Variants in PCDHA10 observed in about 807,000 individuals in gnomAD.
PCDHA10 encodes protocadherin alpha 10, also known as protocadherin alpha-10.
In PCDHA10, 45 loss-of-function variants were observed where a neutral mutation model predicts 61.2. That is an observed-to-expected ratio of 0.74 (90% CI 0.58 to 0.94). PCDHA10 has a LOEUF of 0.94. PCDHA10 is among the 40% of genes least tolerant of loss of function. PCDHA10 has a pLI of 0.00. For missense variants in PCDHA10, 1,278 were observed against 1,236.2 expected (o/e 1.03, Z -0.51); for synonymous variants, 602 against 548.8 (o/e 1.10, Z -1.35).
intron 3 of PCDHA10, among the ~76,000 whole-genome samples, chr5:141,001,306 A>C (rs1554258083): frequency 6.6e-6 from 1 of 152,174 alleles, no homozygotes; most frequent in African/African-American, 2.4e-5. Context: ...CAGAGATATG[A>C]AATAATTTGC....
chr5:140,983,665 A>G (rs1161885514), intron 3 of PCDHA10, among the ~76,000 whole-genome samples: 3 of 152,248 alleles, frequency 2.0e-5, no homozygotes, highest in Non-Finnish European at 4.4e-5. Flanking sequence ...GGCAGAGGGT[A>G]GGATTCAAAC....
chr5:140,982,545 G>C lies in PCDHA10; in HGVS notation c.2518G>C (p.Val840Leu), dbSNP rs782544627. The change falls in exon 3 of 4, where the codon GTA becomes CTA. Residue 840 changes from valine (V) to leucine (L), a missense_variant. Val to Leu is a conservative substitution (Grantham distance 32). Transcript: ENST00000307360. The stretch of plus-strand genomic sequence containing the variant: ...AGGGCCTGATCAGCAGTGGCCAACA[G>C]TATCCAGTGCAACACCAGGTAAAGA... ...PGGPDQQWPT[V>L]SSATPEPEAG... The C allele has an allele frequency of 6.2e-6, 10 of 1,614,088 alleles. No individual in the cohort carries two copies. The East Asian group carries it at 2.2e-4, about 36-fold the overall frequency.
At chr5:140,961,646 T>C (rs554070301) in intron 1 of PCDHA10, among the ~76,000 whole-genome samples, 19 of 152,328 alleles carry the variant, frequency 1.2e-4, no homozygotes, top group African/African-American at 4.6e-4. Flanking sequence ...TAAGTCTATG[T>C]GGTTAGTTTG....
chr5:140,941,224 T>TTTCTTTCTTTCTTTCTTTCTTTCC (rs2092912857), intron 1 of PCDHA10, among the ~76,000 whole-genome samples: 1 of 137,372 alleles, frequency 7.3e-6, no homozygotes, highest in Non-Finnish European at 1.6e-5. Context: ...CCTTTCTTTC[T>TTTCTTTCTTTCTTTCTTTCTTTCC]TTCTTTCTTT....
chr5:140,963,570 G>A (rs1011231723), intron 1 of PCDHA10, among the ~76,000 whole-genome samples: 6 of 152,180 alleles, frequency 3.9e-5, no homozygotes, highest in African/African-American at 1.2e-4. Flanking sequence ...TTCTGGTTTT[G>A]TTCTCAAAAT....
chr5:141,000,782 C>T (rs149032263), intron 3 of PCDHA10, among the ~76,000 whole-genome samples: 174 of 152,002 alleles, frequency 1.1e-3, no homozygotes, highest in African/African-American at 3.9e-3. Flanking sequence ...TGGCGCACAC[C>T]TGTATTCCTA....
In PCDHA10 at chr5:140,856,941, C is replaced by A. The variant is rs782304851; in HGVS notation, c.893C>A (p.Thr298Lys). The A allele has an allele frequency of 2.5e-6, 4 of 1,592,588 alleles. No homozygotes were observed. The South Asian group carries it at 3.3e-5, about 13-fold the overall frequency. Residue 298 changes from threonine to lysine, a missense_variant, in exon 1 of 4, where the codon ACG becomes AAG. Coordinates refer to ENST00000307360, the MANE Select transcript of PCDHA10 (RefSeq NM_018901.4). ...IRRKFWINERTGEIKVNDAID... is the reference protein window; with the variant it reads ...IRRKFWINERKGEIKVNDAID... The stretch of plus-strand genomic sequence containing the variant: ...AGGAAATTTTGGATAAACGAAAGGA[C>A]GGGAGAAATAAAAGTAAATGATGCT...
At chr5:140,956,098 GA>G (rs2095256801) in intron 1 of PCDHA10, among the ~76,000 whole-genome samples, 1 of 152,160 alleles carries the variant, frequency 6.6e-6, no homozygotes, top group African/African-American at 2.4e-5. Context: ...TGCAAACAAA[GA>G]TAATTTGATT....
chr5:140,976,812 G>A (rs2096732233), intron 1 of PCDHA10, among the ~76,000 whole-genome samples: 1 of 152,178 alleles, frequency 6.6e-6, no homozygotes, highest in Non-Finnish European at 1.5e-5. Flanking sequence ...CTGAAGATAT[G>A]CATGTGTCTA....
At chr5:140,916,261 A>C (rs2077497892) in intron 1 of PCDHA10, among the ~76,000 whole-genome samples, 1 of 152,168 alleles carries the variant, frequency 6.6e-6, no homozygotes. Context: ...GGACCCCAAG[A>C]GCATGCTTGT....
chr5:140,879,889 C>T (rs897508016), intron 1 of PCDHA10, among the ~76,000 whole-genome samples: 3 of 152,200 alleles, frequency 2.0e-5, no homozygotes, highest in Non-Finnish European at 4.4e-5. Context: ...GCCTCCTCCT[C>T]TCCATGTCTC....
intron 1 of PCDHA10, among the ~76,000 whole-genome samples, chr5:140,961,987 C>T (rs1411300268): frequency 1.3e-5 from 2 of 151,942 alleles, no homozygotes; most frequent in African/African-American, 4.8e-5. Context: ...GGGTTCACGC[C>T]ATTGTCCTGC....
intron 1 of PCDHA10, chr5:140,883,871 G>C: frequency 1.9e-6 from 3 of 1,613,242 alleles, no homozygotes; most frequent in Non-Finnish European, 2.5e-6. Context: ...GCAGTTCCAG[G>C]TGAGCGCGCG....
chr5:140,997,664 C>A (rs2097778003), intron 3 of PCDHA10, among the ~76,000 whole-genome samples: 1 of 142,906 alleles, frequency 7.0e-6, no homozygotes, highest in African/African-American at 2.5e-5. Context: ...TATTATTATA[C>A]AGCTTGTGTG....
At chr5:140,877,633 C>A (rs1366996546) in intron 1 of PCDHA10, 7 of 1,613,622 alleles carry the variant, frequency 4.3e-6, no homozygotes, top group Non-Finnish European at 5.1e-6. Context: ...GTACACTGCG[C>A]TGCGTTGCTC....
chr5:140,882,157 C>G, intron 1 of PCDHA10: 5 of 1,504,750 alleles, frequency 3.3e-6, no homozygotes, highest in Non-Finnish European at 8.9e-7. Flanking sequence ...AAGCGGAATA[C>G]CTCTTGCGAA....
At chr5:140,863,138 T>C (rs781967810) in intron 1 of PCDHA10, 2 of 604,914 alleles carry the variant, frequency 3.3e-6, no homozygotes, top group Non-Finnish European at 6.4e-6. Context: ...CGCCTGCTGG[T>C]GCTGGTGAAG....
rs1296767379 is a variant in PCDHA10 at position 140,898,372 on chromosome 5, T to C, written c.2388+39936T>C. ...ATCTTGAATTAATTTTTGTATAAGG[T>C]GTAAGGAAGGGATCCAGTTTCAGCT... On this transcript the variant is annotated intron_variant, in intron 1 of 3. Coordinates refer to ENST00000307360, the MANE Select transcript of PCDHA10 (RefSeq NM_018901.4). Among the ~76,000 whole-genome samples, 5 of 152,320 alleles carry C rather than the reference T, an allele frequency of 3.3e-5. No individual in the cohort carries two copies. In the East Asian group the frequency reaches 9.6e-4, roughly 29 times the overall value.
At chr5:140,986,981 A>G (rs1180752989) in intron 3 of PCDHA10, among the ~76,000 whole-genome samples, 1 of 152,146 alleles carries the variant, frequency 6.6e-6, no homozygotes, top group Non-Finnish European at 1.5e-5. Flanking sequence ...TGGGAGGCCA[A>G]GGCAGGCAGA....
Sources: allele counts gnomAD v4.1 joint callset (sites outside exome capture counted in the v4.1 genomes callset), GRCh38; gene constraint gnomAD v4.1.1; transcripts MANE v1.5; gene names NCBI Gene and HGNC (gene_info 2026-07-23, HGNC 2026-07-21).